HTR2C: variants seen among roughly 807,000 people sequenced by gnomAD.
The protein encoded by HTR2C is 5-hydroxytryptamine receptor 2C, also known as 5-hydroxytryptamine (serotonin) receptor 2C, G protein-coupled.
A neutral mutation model predicts 21.0 loss-of-function variants in HTR2C; 5 were observed. The observed-to-expected ratio is 0.24, with a 90% CI of 0.12 to 0.50. The LOEUF is 0.50. Among genes scored for constraint, HTR2C ranks in the 20% least tolerant of loss-of-function variants. The pLI is 0.98. For missense variants in HTR2C, 271 were observed against 371.2 expected, an observed-to-expected ratio of 0.73 and a Z score of 2.22; for synonymous variants, 150 against 145.3, an observed-to-expected ratio of 1.03 and a Z score of -0.23.
rs1342689328 is a variant in HTR2C, at chrX:114,899,617, G to A, written c.551-6972G>A. Among the ~76,000 whole-genome samples the A allele has an allele frequency of 8.3e-5, 9 of 107,889 alleles. 1 individual carries two copies. Among genetic ancestry groups the A allele is most frequent in the Non-Finnish European group, 1.5e-4 (8 of 53,005 alleles). 93.7% of individuals were successfully genotyped at this position (107,889 alleles called of 115,157 possible). ...CACTCACCGCTTCCCTTGACTGGAC[G>A]TGAGGGTTCCCTTGGCTCTGTGTTG... On this transcript the variant is annotated intron_variant, in intron 5 of 5. Coordinates refer to ENST00000276198, the MANE Select transcript of HTR2C (RefSeq NM_000868.4).
chrX:114,665,391 T>G (rs1931139762), intron 2 of HTR2C, among the ~76,000 whole-genome samples: 1 of 112,042 alleles, frequency 8.9e-6, no homozygotes, highest in Admixed American at 9.5e-5. Flanking sequence ...TGGCATAATT[T>G]TTGTTTAACA....
chrX:114,590,387 T>C (rs1927581692), intron 1 of HTR2C, among the ~76,000 whole-genome samples: 1 of 112,087 alleles, frequency 8.9e-6, no homozygotes, highest in African/African-American at 3.2e-5. Context: ...TCCAGTACTG[T>C]GGTATGTAGC....
At chrX:114,841,735 C>T (rs1190589076) in intron 4 of HTR2C, among the ~76,000 whole-genome samples, 1 of 43,605 alleles carries the variant, frequency 2.3e-5, no homozygotes, top group African/African-American at 5.3e-5. Flanking sequence ...AGTGAGACTC[C>T]GTCTCAAAAA....
chrX:114,899,435 T>C (rs1404796180), intron 5 of HTR2C, among the ~76,000 whole-genome samples: 2 of 111,315 alleles, frequency 1.8e-5, no homozygotes, highest in African/African-American at 6.5e-5. Flanking sequence ...GTAAAGCTCC[T>C]GGGTCTCTGT....
At chrX:114,735,606 C>T (rs782743720) in intron 4 of HTR2C, among the ~76,000 whole-genome samples, 2 of 110,486 alleles carry the variant, frequency 1.8e-5, no homozygotes, top group South Asian at 3.8e-4. Context: ...AGAATCATTT[C>T]GTTGATTCTT....
chrX:114,685,822 G>A (rs184112712), intron 2 of HTR2C, among the ~76,000 whole-genome samples: 157 of 111,981 alleles, frequency 1.4e-3, no homozygotes, highest in African/African-American at 4.8e-3. Context: ...TACTTTATCC[G>A]TGTTAAAAAT....
At position 114,906,773 on chromosome X, in the gene HTR2C, T is replaced by C; in HGVS notation, c.735T>C (p.Ala245=). The C allele has an allele frequency of 8.3e-7, 1 of 1,211,109 alleles. No homozygotes were observed. The highest frequency in any genetic ancestry group is 2.2e-5 in the Admixed American group (1 of 45,925). The change falls in exon 6 of 6, where the codon GCT becomes GCC. Residue 245 remains alanine, a synonymous_variant. Coordinates refer to ENST00000276198, the MANE Select transcript of HTR2C (RefSeq NM_000868.4). Reference sequence around the variant, plus strand: ...CCATCTACGTTCTGCGCCGACAAGCTTTGATGTTACTGCACGGCCACACCG... The same window carrying C: ...CCATCTACGTTCTGCGCCGACAAGCCTTGATGTTACTGCACGGCCACACCG... ...CLTIYVLRRQ[A]LMLLHGHTEE...
chrX:114,670,010 G>C (rs1238175777), intron 2 of HTR2C, among the ~76,000 whole-genome samples: 1 of 111,242 alleles, frequency 9.0e-6, no homozygotes, highest in Non-Finnish European at 1.9e-5. Context: ...AGGCCAAGGC[G>C]GGAGGTTCAC....
chrX:114,612,142 G>A (rs782564596), intron 1 of HTR2C, among the ~76,000 whole-genome samples: 2 of 111,197 alleles, frequency 1.8e-5, no homozygotes, highest in East Asian at 5.6e-4. Flanking sequence ...ATTTAAATGC[G>A]GCTATAACAT....
intron 2 of HTR2C, among the ~76,000 whole-genome samples, chrX:114,691,289 T>C (rs909566909): frequency 9.0e-6 from 1 of 110,984 alleles, no homozygotes; most frequent in Non-Finnish European, 1.9e-5. Context: ...AAAATGAAAA[T>C]CACATTATCA....
rs1203262132 is a variant in HTR2C, at chrX:114,907,049, T to C, written c.1011T>C (p.Cys337=). Residue 337 remains cysteine, a synonymous_variant, in exon 6 of 6, where the codon TGT becomes TGC. Transcript: ENST00000276198. ...TTACCAATATTCTGTCTGTTCTTTGTGAGAAGTCCTGTAACCAAAAGCTCA... is the reference window on the plus strand; with the variant it reads ...TTACCAATATTCTGTCTGTTCTTTGCGAGAAGTCCTGTAACCAAAAGCTCA... ...FFITNILSVL[C]EKSCNQKLME... The C allele has an allele frequency of 2.1e-5, 25 of 1,208,330 alleles. No homozygotes were observed. Among genetic ancestry groups the C allele is most frequent in the Non-Finnish European group, 2.8e-5 (25 of 893,872 alleles).
intron 4 of HTR2C, among the ~76,000 whole-genome samples, chrX:114,803,509 T>C (rs1297785873): frequency 1.9e-5 from 2 of 106,203 alleles, no homozygotes; most frequent in African/African-American, 6.8e-5. Context: ...TTCATGTGTT[T>C]TTTGGCTGCA....
intron 2 of HTR2C, among the ~76,000 whole-genome samples, chrX:114,692,938 T>C (rs1932152485): frequency 9.0e-6 from 1 of 111,220 alleles, no homozygotes; most frequent in African/African-American, 3.3e-5. Context: ...AGCAGTATAA[T>C]ACAAGGAAGA....
At chrX:114,702,978 G>A (rs1261907847) in intron 2 of HTR2C, among the ~76,000 whole-genome samples, 7 of 71,513 alleles carry the variant, frequency 9.8e-5, no homozygotes, top group African/African-American at 3.1e-4. Flanking sequence ...ATTACATAAC[G>A]GTAAAGGGAT....
intron 4 of HTR2C, among the ~76,000 whole-genome samples, chrX:114,824,848 T>C (rs1264392920): frequency 8.9e-6 from 1 of 111,762 alleles, no homozygotes; most frequent in Non-Finnish European, 1.9e-5. Flanking sequence ...ATTAGGGGCT[T>C]AGTGAATAGT....
At chrX:114,825,071 G>A (rs782492097) in intron 4 of HTR2C, among the ~76,000 whole-genome samples, 6 of 111,749 alleles carry the variant, frequency 5.4e-5, no homozygotes, top group Middle Eastern at 4.7e-3. Context: ...TCCCAATAAA[G>A]TGCAGCATTT....
At chrX:114,721,506 A>C (rs1342704817) in intron 2 of HTR2C, among the ~76,000 whole-genome samples, 3 of 91,541 alleles carry the variant, frequency 3.3e-5, no homozygotes, top group Admixed American at 1.3e-4. Context: ...TGCTGTGCAG[A>C]AGCTCTTTAG....
intron 4 of HTR2C, among the ~76,000 whole-genome samples, chrX:114,768,547 A>G (rs782790735): frequency 1.5e-4 from 17 of 110,969 alleles, no homozygotes; most frequent in Non-Finnish European, 3.0e-4. Context: ...ATAAATATAT[A>G]TTTTCTCAGT....
At position 114,813,146 on chromosome X, in the gene HTR2C, A is replaced by G. The variant is rs782410759; in HGVS notation, c.350-34857A>G. Among the ~76,000 whole-genome samples the G allele has an allele frequency of 3.6e-5, 4 of 112,212 alleles. No homozygotes were observed. In the South Asian group the frequency reaches 1.1e-3, roughly 31 times the overall value. On this transcript the variant is annotated intron_variant, in intron 4 of 5. Coordinates refer to ENST00000276198, the MANE Select transcript of HTR2C (RefSeq NM_000868.4). ...ATATACAACCAAAATATATTTCACA[A>G]TGTCCTTTATTAATGCATAACACTT...
Sources: allele counts gnomAD v4.1 joint callset (sites outside exome capture counted in the v4.1 genomes callset), GRCh38; gene constraint gnomAD v4.1.1; transcripts MANE v1.5; gene names NCBI Gene and HGNC (gene_info 2026-07-23, HGNC 2026-07-21).